The following MYL4 variants were observed in gnomAD, a reference collection of about 807,000 sequenced individuals.
MYL4 encodes the protein myosin light chain 4.
MYL4 carries 16 observed loss-of-function variants against 21.6 expected under a neutral mutation model. The observed-to-expected ratio is 0.74, with a 90% CI of 0.50 to 1.12. The LOEUF (loss-of-function observed/expected upper bound fraction) is 1.12, where lower values mean the gene tolerates loss of function less well. MYL4 is among the 50% of genes most tolerant of loss of function. The pLI is 0.00. For missense variants in MYL4, 249 were observed against 252.9 expected (o/e 0.98, Z 0.11); for synonymous variants, 82 against 95.7 (o/e 0.86, Z 0.83).
At chr17:47,196,843 T>C (rs937020897), upstream of MYL4, among the ~76,000 whole-genome samples, 1 of 152,160 alleles carries the variant, frequency 6.6e-6, no homozygotes, top group Non-Finnish European at 1.5e-5. Flanking sequence ...ATCACCTAGT[T>C]CAGTGCCCTG....
chr17:47,212,046 G>T (rs932315832), intron 1 of MYL4, among the ~76,000 whole-genome samples: 1 of 152,128 alleles, frequency 6.6e-6, no homozygotes, highest in Non-Finnish European at 1.5e-5. Flanking sequence ...CCAACATGGT[G>T]AAACCCTGTC....
intron 6 of MYL4, 126 bp downstream of exon 6, chr17:47,223,183 A>C (rs2064869546): frequency 2.2e-6 from 2 of 928,816 alleles, no homozygotes; most frequent in Admixed American, 4.7e-5. Flanking sequence ...TGGGATCAGG[A>C]AGTGAGGACA....
the MYL4 span, among the ~76,000 whole-genome samples, chr17:47,193,089 C>T: frequency 6.6e-6 from 1 of 151,982 alleles, no homozygotes; most frequent in African/African-American, 2.4e-5. Context: ...GTCTTTCAGT[C>T]CTCCTTGTCT....
chr17:47,223,115 A>G, intron 6 of MYL4, 58 bp downstream of exon 6: 1 of 1,568,162 alleles, frequency 6.4e-7, no homozygotes, highest in East Asian at 2.2e-5. Context: ...CTTAAGAATA[A>G]CACCATGTGC....
At chr17:47,191,864 G>T in the MYL4 span, among the ~76,000 whole-genome samples, 2 of 152,180 alleles carry the variant, frequency 1.3e-5, no homozygotes, top group African/African-American at 4.8e-5. Context: ...ACAACATGCT[G>T]CCAACCCAAG....
chr17:47,194,764 A>AT, the MYL4 span, among the ~76,000 whole-genome samples: 860 of 146,836 alleles, frequency 5.9e-3, 3 homozygotes, highest in African/African-American at 0.017. Flanking sequence ...ATTACATAGA[A>AT]TTTTTTTTTT....
chr17:47,208,534 T>C (rs2064745601), upstream of MYL4, among the ~76,000 whole-genome samples: 1 of 147,872 alleles, frequency 6.8e-6, no homozygotes, highest in South Asian at 2.1e-4. Flanking sequence ...TTCCTGGTAC[T>C]GATAGTAGTA....
chr17:47,205,445 T>A (rs1442989850), upstream of MYL4, among the ~76,000 whole-genome samples: 1 of 152,174 alleles, frequency 6.6e-6, no homozygotes, highest in East Asian at 1.9e-4. Context: ...TTACTGGCCA[T>A]GAAACAGAAT....
At chr17:47,196,349 C>T (rs1817736195), upstream of MYL4, among the ~76,000 whole-genome samples, 2 of 152,140 alleles carry the variant, frequency 1.3e-5, no homozygotes, top group South Asian at 4.1e-4. Context: ...GCCTCCAGAA[C>T]CATGAGAAAA....
rs533883427 is a variant in MYL4, at chr17:47,214,928, A to G, written c.163+1102A>G. ...AACAATTATATAGACTCTCACACAC[A>G]GATGTACCCTTTTAATTTAATCAAG... On this transcript the variant is annotated intron_variant, in intron 2 of 6. Coordinates refer to ENST00000393450, the MANE Select transcript of MYL4 (RefSeq NM_002476.2). Among the ~76,000 whole-genome samples, 188 of 152,368 alleles carry G rather than the reference A, an allele frequency of 1.2e-3. 1 individual carries two copies. Among genetic ancestry groups the G allele is most frequent in the Non-Finnish European group, 1.5e-3 (105 of 68,036 alleles).
At chr17:47,206,348 A>G (rs759109986), upstream of MYL4, among the ~76,000 whole-genome samples, 2 of 152,206 alleles carry the variant, frequency 1.3e-5, no homozygotes, top group Admixed American at 6.5e-5. Flanking sequence ...GAAAAAAGGA[A>G]AAGAAGAAAA....
At chr17:47,216,780 C>T (rs1598656738) in intron 2 of MYL4, among the ~76,000 whole-genome samples, 1 of 151,836 alleles carries the variant, frequency 6.6e-6, no homozygotes, top group South Asian at 2.1e-4. Context: ...CCGCAACCTC[C>T]GCCTCCCGGG....
intron 1 of MYL4, among the ~76,000 whole-genome samples, chr17:47,210,915 C>T (rs1238639128): frequency 6.6e-6 from 1 of 152,170 alleles, no homozygotes; most frequent in Non-Finnish European, 1.5e-5. Context: ...TTCAGGATCC[C>T]TCCTCGCCTT....
downstream of MYL4, among the ~76,000 whole-genome samples, chr17:47,226,616 G>A (rs971958621): frequency 3.3e-5 from 5 of 152,212 alleles, no homozygotes; most frequent in East Asian, 1.9e-4. Flanking sequence ...TTGGCTGTGC[G>A]TATGGACACC....
chr17:47,197,575 G>C (rs1231479527), upstream of MYL4, among the ~76,000 whole-genome samples: 1 of 152,096 alleles, frequency 6.6e-6, no homozygotes, highest in Non-Finnish European at 1.5e-5. Flanking sequence ...ATGATTTTTT[G>C]ACTTTATGAT....
the MYL4 span, among the ~76,000 whole-genome samples, chr17:47,192,231 G>T: frequency 1.3e-5 from 2 of 152,120 alleles, no homozygotes; most frequent in Non-Finnish European, 1.5e-5. Flanking sequence ...GCACATGCCT[G>T]TAATCCCAGC....
chr17:47,201,028 TG>T (rs1851721276), intron 1 of MYL4, among the ~76,000 whole-genome samples: 1 of 152,058 alleles, frequency 6.6e-6, no homozygotes, highest in Non-Finnish European at 1.5e-5. Flanking sequence ...AAAAATTAGC[TG>T]GGCATGGTGG....
chr17:47,216,130 T>C (rs2064812222), intron 2 of MYL4, among the ~76,000 whole-genome samples: 1 of 151,950 alleles, frequency 6.6e-6, no homozygotes, highest in Admixed American at 6.6e-5. Context: ...AGGAATTAGC[T>C]TCTAACCCTT....
At chr17:47,207,887 G>C, upstream of MYL4, among the ~76,000 whole-genome samples, 1 of 152,124 alleles carries the variant, frequency 6.6e-6, no homozygotes, top group East Asian at 1.9e-4. Flanking sequence ...GGTCCCCAGA[G>C]GTGTCTCTGT....
Sources: allele counts gnomAD v4.1 joint callset (sites outside exome capture counted in the v4.1 genomes callset), GRCh38; gene constraint gnomAD v4.1.1; transcripts MANE v1.5; gene names NCBI Gene and HGNC (gene_info 2026-07-23, HGNC 2026-07-21).